The following RFC3 variants were observed in gnomAD, a reference collection of about 807,000 sequenced individuals.
RFC3 encodes the protein A1 38 kDa subunit.
Under a neutral mutation model 45.1 loss-of-function variants are expected in RFC3, and 41 were observed. The observed-to-expected ratio is 0.91, with a 90% CI of 0.71 to 1.18. The LOEUF is 1.18. RFC3 is among the 50% of genes most tolerant of loss of function. The probability of loss-of-function intolerance (pLI) is 0.00; values close to 1 mark genes in which losing one functional copy is unlikely to be tolerated. For synonymous variants in RFC3, 149 were observed against 144.0 expected (o/e 1.03, Z -0.25); for missense variants, 423 against 428.1 (o/e 0.99, Z 0.10).
chr13:33,836,616 T>A lies in RFC3; in HGVS notation c.*321T>A, dbSNP rs185204886. 7 of 1,018,670 alleles carry A rather than the reference T, an allele frequency of 6.9e-6. No individual in the cohort carries two copies. The highest frequency in any genetic ancestry group is 7.0e-6 in the Non-Finnish European group (6 of 851,250). 63.1% of individuals were successfully genotyped at this position (1,018,670 alleles called of 1,614,324 possible). On this transcript the variant is annotated 3_prime_UTR_variant, in exon 9 of 9. Transcript: ENST00000380071. ...TAATCTCTCACCTGCTAAAGGAGAT[T>A]TACACATTAGAAAGCAAAGATTATT...
intron 8 of RFC3, among the ~76,000 whole-genome samples, chr13:33,866,308 T>G (rs1209966759): frequency 6.6e-6 from 1 of 152,148 alleles, no homozygotes; most frequent in Non-Finnish European, 1.5e-5. Context: ...TCTCATAAAC[T>G]CAATGGGAAG....
chr13:33,933,799 A>G (rs569812353), intron 8 of RFC3, among the ~76,000 whole-genome samples: 1 of 152,266 alleles, frequency 6.6e-6, no homozygotes, highest in Admixed American at 6.5e-5. Context: ...AGAGAAATAT[A>G]AACAACTAAA....
intron 8 of RFC3, among the ~76,000 whole-genome samples, chr13:33,843,201 T>C: frequency 2.2e-5 from 1 of 46,106 alleles, no homozygotes; most frequent in East Asian, 6.0e-4. Flanking sequence ...AGCTATTTGC[T>C]CCTGTTTTTT....
At chr13:33,933,579 T>A (rs564696097) in intron 8 of RFC3, among the ~76,000 whole-genome samples, 1 of 152,290 alleles carries the variant, frequency 6.6e-6, no homozygotes, top group African/African-American at 2.4e-5. Flanking sequence ...GTAACAAAGA[T>A]AATAAATCGA....
At position 33,937,450 on chromosome 13, in the gene RFC3, A is replaced by G. The variant is rs146511075; in HGVS notation, c.880-28637A>G. ...TATACAATTTTTTAAAAAATTGTGT[A>G]GTTGAGACCTCTTATATTACCAATG... On this transcript the variant is annotated intron_variant, in intron 8 of 8. Transcript: ENST00000434425. Among the ~76,000 whole-genome samples, 137 of 152,320 alleles carry G rather than the reference A, an allele frequency of 9.0e-4. 2 individuals are homozygous for G. The highest frequency in any genetic ancestry group is 2.3e-3 in the African/African-American group (96 of 41,588).
chr13:33,873,621 C>G (rs1055790444), intron 8 of RFC3, among the ~76,000 whole-genome samples: 14 of 152,170 alleles, frequency 9.2e-5, no homozygotes, highest in Non-Finnish European at 2.1e-4. Context: ...AAAGCAGGCA[C>G]TCTAGATTCT....
At chr13:33,871,846 AT>A (rs1293575065) in intron 8 of RFC3, among the ~76,000 whole-genome samples, 1 of 152,148 alleles carries the variant, frequency 6.6e-6, no homozygotes, top group Non-Finnish European at 1.5e-5. Context: ...AAGGGCCGGT[AT>A]CCCCACTATT....
chr13:33,821,043 A>G (rs1444593843), intron 1 of RFC3, 89 bp from the exon 2 acceptor site: 2 of 1,343,140 alleles, frequency 1.5e-6, no homozygotes, highest in South Asian at 1.5e-5. Context: ...GGGTAGACAC[A>G]TAAAATATTT....
Position 33,865,688 on chromosome 13 carries a change from C to A in RFC3, c.879+30471C>A, listed in dbSNP as rs146311301. On this transcript the variant is annotated intron_variant, in intron 8 of 8. Coordinates refer to the RFC3 transcript ENST00000434425. ...CTAGACCAAACAGCAAGAAATAGTTCTCATTGTTGACTTGGGTAGTTGAAT... is the reference window on the plus strand; with the variant it reads ...CTAGACCAAACAGCAAGAAATAGTTATCATTGTTGACTTGGGTAGTTGAAT... 3.3e-4 allele frequency among the ~76,000 whole-genome samples: 51 copies of A among 152,290 alleles called. No homozygotes were observed. The East Asian group carries it at 7.7e-3, about 23-fold the overall frequency.
rs545961040 is a variant in RFC3, at chr13:33,827,488, T to C, written c.391+1602T>C. ...TGTTATTAATATTATAAGAGAAATGTTGAACATCGGTTATTATAAGAAATT... is the reference window on the plus strand; with the variant it reads ...TGTTATTAATATTATAAGAGAAATGCTGAACATCGGTTATTATAAGAAATT... On this transcript the variant is annotated intron_variant, in intron 4 of 8. Transcript: ENST00000380071. Among the ~76,000 whole-genome samples the C allele has an allele frequency of 3.9e-5, 6 of 152,334 alleles. No individual in the cohort carries two copies. In the East Asian group the frequency reaches 9.6e-4, roughly 24 times the overall value.
chr13:33,833,602 A>T (rs2082123558), intron 7 of RFC3, among the ~76,000 whole-genome samples: 2 of 152,234 alleles, frequency 1.3e-5, no homozygotes, highest in Admixed American at 6.5e-5. Flanking sequence ...GATGCATGTT[A>T]ACATGTATGC....
At chr13:33,874,981 T>TCCA (rs2082437038) in intron 8 of RFC3, among the ~76,000 whole-genome samples, 1 of 152,222 alleles carries the variant, frequency 6.6e-6, no homozygotes. Context: ...ATCTTGAAAG[T>TCCA]CCACCTGTGC....
At chr13:33,899,623 G>T in intron 8 of RFC3, among the ~76,000 whole-genome samples, 1 of 151,676 alleles carries the variant, frequency 6.6e-6, no homozygotes, top group South Asian at 2.1e-4. Context: ...TCTGCAAAAA[G>T]ACAAGGATGC....
intron 8 of RFC3, among the ~76,000 whole-genome samples, chr13:33,953,453 T>G (rs979544954): frequency 6.6e-6 from 1 of 152,108 alleles, no homozygotes; most frequent in Admixed American, 6.5e-5. Context: ...TGAGAAAAGT[T>G]AAAGCCATCT....
the RFC3 span, among the ~76,000 whole-genome samples, chr13:33,975,848 C>T: frequency 6.6e-6 from 1 of 152,150 alleles, no homozygotes; most frequent in Non-Finnish European, 1.5e-5. Context: ...TGTAGAATTA[C>T]AAATATATTT....
intron 8 of RFC3, among the ~76,000 whole-genome samples, chr13:33,962,406 C>A (rs2083062841): frequency 6.6e-6 from 1 of 152,134 alleles, no homozygotes. Flanking sequence ...ATCAACCTAA[C>A]CCCCAGCCCC....
intron 8 of RFC3, among the ~76,000 whole-genome samples, chr13:33,902,135 C>T (rs188111211): frequency 1.6e-4 from 25 of 151,996 alleles, no homozygotes; most frequent in Non-Finnish European, 2.5e-4. Flanking sequence ...GACAGGGTGA[C>T]GTGGGTGAAG....
Position 33,939,043 on chromosome 13 carries a change from G to T in RFC3, c.880-27044G>T, listed in dbSNP as rs535613000. Reference sequence around the variant, plus strand: ...TAAAATTGAGCATCTTCTCATGTATGTATTGATTCTGTAGATCCTCAACAT... The same window carrying T: ...TAAAATTGAGCATCTTCTCATGTATTTATTGATTCTGTAGATCCTCAACAT... On this transcript the variant is annotated intron_variant, in intron 8 of 8. Coordinates refer to the RFC3 transcript ENST00000434425. Among the ~76,000 whole-genome samples, 12 of 152,120 alleles carry T rather than the reference G, an allele frequency of 7.9e-5. No homozygotes were observed. The South Asian group carries it at 2.5e-3, about 32-fold the overall frequency.
At chr13:33,842,370 A>G (rs567037383), downstream of RFC3, among the ~76,000 whole-genome samples, 2 of 152,254 alleles carry the variant, frequency 1.3e-5, no homozygotes, top group Non-Finnish European at 2.9e-5. Flanking sequence ...ATACGATCTA[A>G]TCTTCCACCA....
Sources: gnomAD v4.1 joint callset for allele counts (sites outside exome capture counted in the v4.1 genomes callset) on GRCh38, gnomAD v4.1.1 for gene constraint, MANE v1.5 for transcripts, NCBI Gene and HGNC (gene_info 2026-07-23, HGNC 2026-07-21) for gene names.